PEX14: variants seen among roughly 807,000 people sequenced by gnomAD.
The protein encoded by PEX14 is peroxisomal membrane protein PEX14.
A neutral mutation model predicts 49.5 loss-of-function variants in PEX14; 15 were observed. The ratio of observed to expected loss-of-function variants is 0.30; its 90% CI spans 0.20 to 0.47. The LOEUF is 0.47. Among genes scored for constraint, PEX14 ranks in the 20% least tolerant of loss-of-function variants. The pLI, the probability that PEX14 is intolerant of heterozygous loss-of-function variation, is 1.00. For synonymous variants in PEX14, 210 were observed against 212.7 expected (o/e 0.99, Z 0.11); for missense variants, 398 against 494.8 (o/e 0.80, Z 1.86).
Position 10,629,438 on chromosome 1 carries a change from C to T in PEX14, c.678-93C>T, listed in dbSNP as rs375804136. On this transcript the variant is annotated intron_variant, in intron 8 of 8. Coordinates refer to ENST00000356607, the MANE Select transcript of PEX14 (RefSeq NM_004565.3). This position sits in a 1 kb window ranked among gnomAD's most constrained non-coding sequence, Gnocchi z 8.5. ...TGTCCCTGGGGGAGCAGCTCACCATCGCCGAGCCCTTGCGGGTCAGGGAAG... is the reference window on the plus strand; with the variant it reads ...TGTCCCTGGGGGAGCAGCTCACCATTGCCGAGCCCTTGCGGGTCAGGGAAG... The T allele has an allele frequency of 1.0e-4, 86 of 846,524 alleles. No individual in the cohort carries two copies. In the East Asian group the frequency reaches 1.3e-3, roughly 13 times the overall value. 52.4% of individuals were successfully genotyped at this position (846,524 alleles called of 1,614,324 possible). A position where few individuals can be genotyped will look rare whatever the true frequency, so the allele number is the denominator to read the frequency against.
chr1:10,625,817 A>G (rs1641728492), intron 7 of PEX14, among the ~76,000 whole-genome samples: 1 of 152,250 alleles, frequency 6.6e-6, no homozygotes, highest in African/African-American at 2.4e-5. Flanking sequence ...TTTAAGAAGC[A>G]GTGGGGGCCC....
intron 1 of PEX14, among the ~76,000 whole-genome samples, chr1:10,481,854 G>A (rs2124372449): frequency 7.1e-6 from 1 of 141,778 alleles, no homozygotes; most frequent in East Asian, 2.0e-4. Context: ...GACAATGCCT[G>A]GCTCTGTTGC....
intron 3 of PEX14, among the ~76,000 whole-genome samples, chr1:10,552,703 G>T (rs926123764): frequency 6.6e-6 from 1 of 152,216 alleles, no homozygotes; most frequent in Non-Finnish European, 1.5e-5. Flanking sequence ...TATATAAACA[G>T]ATGTGGTGTG....
chr1:10,500,426 C>T (rs895574651), intron 2 of PEX14, among the ~76,000 whole-genome samples: 2 of 150,032 alleles, frequency 1.3e-5, no homozygotes, highest in East Asian at 3.9e-4. Flanking sequence ...TAGCTACAGC[C>T]GGTTGCCTGT....
intron 4 of PEX14, among the ~76,000 whole-genome samples, chr1:10,602,848 A>G (rs1213678237): frequency 2.6e-5 from 4 of 152,044 alleles, no homozygotes; most frequent in Admixed American, 2.6e-4. Flanking sequence ...GCCTCTATTC[A>G]TGTGTGTTCC....
intron 7 of PEX14, among the ~76,000 whole-genome samples, chr1:10,625,309 G>A (rs1208671484): frequency 1.3e-5 from 2 of 152,140 alleles, no homozygotes; most frequent in Non-Finnish European, 2.9e-5. Flanking sequence ...TCCTCTCTCT[G>A]TCCCTTGTCC....
chr1:10,485,299 G>GTTT (rs941970919), intron 1 of PEX14, among the ~76,000 whole-genome samples: 82 of 100,688 alleles, frequency 8.1e-4, no homozygotes, highest in African/African-American at 3.3e-3. Context: ...TTTGTGTGTG[G>GTTT]TTTTTTTTTT....
At chr1:10,527,578 T>A (rs1314886428) in intron 2 of PEX14, among the ~76,000 whole-genome samples, 1 of 152,020 alleles carries the variant, frequency 6.6e-6, no homozygotes, top group African/African-American at 2.4e-5. Context: ...TATGAGTAGT[T>A]CTTTTTTTTT....
intron 3 of PEX14, among the ~76,000 whole-genome samples, chr1:10,584,703 T>G (rs536502510): frequency 6.6e-6 from 1 of 152,330 alleles, no homozygotes; most frequent in African/African-American, 2.4e-5. Flanking sequence ...CAGAATGTCT[T>G]TTAAAAGTGA....
intron 1 of PEX14, among the ~76,000 whole-genome samples, chr1:10,491,197 G>A (rs1306977853): frequency 6.6e-6 from 1 of 151,542 alleles, no homozygotes; most frequent in Non-Finnish European, 1.5e-5. Context: ...CTAGCATGGT[G>A]GAAGATTTTA....
At chr1:10,537,341 A>ACCCGCC (rs1553187431) in intron 3 of PEX14, among the ~76,000 whole-genome samples, 1 of 28,430 alleles carries the variant, frequency 3.5e-5, no homozygotes, top group African/African-American at 1.4e-4. Context: ...TTGTGCCAGC[A>ACCCGCC]CCCCCCCCCC....
intron 2 of PEX14, among the ~76,000 whole-genome samples, chr1:10,520,148 CTT>C (rs565247030): frequency 1.4e-5 from 1 of 69,158 alleles, no homozygotes; most frequent in Non-Finnish European, 3.4e-5. Context: ...CCTTCTTCTT[CTT>C]TTTTTTTTTT....
At chr1:10,564,128 T>C (rs1475869978) in intron 3 of PEX14, among the ~76,000 whole-genome samples, 7 of 152,168 alleles carry the variant, frequency 4.6e-5, no homozygotes, top group Non-Finnish European at 8.8e-5. Flanking sequence ...CATAGAATCT[T>C]TGAATATTCG....
intron 3 of PEX14, among the ~76,000 whole-genome samples, chr1:10,557,797 C>T (rs1364636178): frequency 6.6e-6 from 1 of 151,954 alleles, no homozygotes; most frequent in Non-Finnish European, 1.5e-5. Context: ...ATGGAAAACC[C>T]TTCCCCCACT....
intron 1 of PEX14, among the ~76,000 whole-genome samples, chr1:10,479,815 C>T (rs1641253784): frequency 6.6e-6 from 1 of 152,130 alleles, no homozygotes; most frequent in South Asian, 2.1e-4. Context: ...ATGTTTTCTC[C>T]TCTGTAAAAC....
In PEX14 at chr1:10,498,342, C is replaced by T. The variant is rs190485165; in HGVS notation, c.84+3021C>T. ...AAAGAATGAAAATAAAAGTAAATTA[C>T]GACAGAAGAAGTTCTATTTAGTAGT... On this transcript the variant is annotated intron_variant, in intron 2 of 8. Transcript: ENST00000356607. Among the ~76,000 whole-genome samples, 469 of 152,220 alleles carry T rather than the reference C, an allele frequency of 3.1e-3. 3 individuals are homozygous for T. The highest frequency in any genetic ancestry group is 0.011 in the African/African-American group (442 of 41,530).
At chr1:10,490,151 C>G (rs1317564689) in intron 1 of PEX14, among the ~76,000 whole-genome samples, 1 of 152,184 alleles carries the variant, frequency 6.6e-6, no homozygotes, top group Non-Finnish European at 1.5e-5. Context: ...AGCGTGCCCC[C>G]AAATCACTGA....
chr1:10,520,148 C>CTTCTTTTTTTTTT (rs1553185419), intron 2 of PEX14, among the ~76,000 whole-genome samples: 1 of 69,162 alleles, frequency 1.4e-5, no homozygotes, highest in African/African-American at 4.2e-5. Flanking sequence ...CCTTCTTCTT[C>CTTCTTTTTTTTTT]TTTTTTTTTT....
In PEX14 at chr1:10,623,837, C is replaced by T. The variant is rs1302031889; in HGVS notation, c.488-503C>T. ...GTGGCAACAAGGTCCTGAGGGGTCA[C>T]GGGACACCAGGGAGTTGAGCAGGCA... On this transcript the variant is annotated intron_variant, in intron 6 of 8. Coordinates refer to ENST00000356607, the MANE Select transcript of PEX14 (RefSeq NM_004565.3). This position sits in a 1 kb window ranked among gnomAD's most constrained non-coding sequence, Gnocchi z 4.4. Among the ~76,000 whole-genome samples, 4 of 152,028 alleles carry T rather than the reference C, an allele frequency of 2.6e-5. No individual in the cohort carries two copies. Among genetic ancestry groups the T allele is most frequent in the East Asian group, 1.9e-4 (1 of 5,184 alleles).
Sources: gnomAD v4.1 joint callset for allele counts (sites outside exome capture counted in the v4.1 genomes callset) on GRCh38, gnomAD v4.1.1 for gene constraint, Gnocchi (gnomAD v3.1) non-coding constraint, MANE v1.5 for transcripts, NCBI Gene and HGNC (gene_info 2026-07-23, HGNC 2026-07-21) for gene names.